Variants in VLDLR observed in about 807,000 individuals in gnomAD.
The protein encoded by VLDLR is very low-density lipoprotein receptor.
A neutral mutation model predicts 112.7 loss-of-function variants in VLDLR; 81 were observed. The observed-to-expected ratio is 0.72, with a 90% CI of 0.60 to 0.86. The LOEUF is 0.86. Among genes scored for constraint, VLDLR ranks in the 40% least tolerant of loss-of-function variants. VLDLR has a pLI of 0.00. For missense variants in VLDLR, 1,237 were observed against 1,099.4 expected (o/e 1.13, Z -1.77); for synonymous variants, 436 against 384.8 (o/e 1.13, Z -1.56).
At chr9:2,649,848 T>G (rs1358000367) in intron 14 of VLDLR, among the ~76,000 whole-genome samples, 1 of 152,186 alleles carries the variant, frequency 6.6e-6, no homozygotes, top group Non-Finnish European at 1.5e-5. Context: ...TAACACCTAC[T>G]TTCCCCCTGT....
In VLDLR at chr9:2,652,832, A is replaced by T. The variant is rs768630693; in HGVS notation, c.2469A>T (p.Gln823His). 3 of 1,614,040 alleles carry T rather than the reference A, an allele frequency of 1.9e-6. No homozygotes were observed. In the African/African-American group the frequency reaches 4.0e-5, roughly 22 times the overall value. Residue 823 changes from glutamine to histidine, a missense_variant, in exon 18 of 19, where the codon CAA becomes CAT. Transcript: ENST00000382100. ...VGGYLMWRNW[Q>H]HKNMKSMNFD... ...GCTACTTGATGTGGCGGAATTGGCA[A>T]CACAAGAACATGAAAAGCATGAACT... is the stretch of plus-strand genomic sequence containing the variant.
At position 2,638,224 on chromosome 9, in the gene VLDLR, G is replaced by A. The variant is rs57242409; in HGVS notation, c.203-1635G>A. ...TGGCCAGTCTTGTTTCCTTGGCTGT[G>A]TAATTCAAGGAGATAATCCTTTATA... On this transcript the variant is annotated intron_variant, in intron 2 of 18. Transcript: ENST00000382100. Among the ~76,000 whole-genome samples, 932 of 152,284 alleles carry A rather than the reference G, an allele frequency of 6.1e-3. 14 individuals carry two copies. The highest frequency in any genetic ancestry group is 0.024 in the Middle Eastern group (7 of 294).
intron 18 of VLDLR, 117 bp downstream of exon 18, chr9:2,653,066 C>T: frequency 3.0e-6 from 4 of 1,316,894 alleles, no homozygotes; most frequent in Non-Finnish European, 4.4e-6. Flanking sequence ...ACTTCATCTG[C>T]TACCTGGCTA....
At chr9:2,651,832 A>AATACAGATCCTTCTAGTCTGC (rs1464535697) in intron 16 of VLDLR, 42 bp from the exon 17 acceptor site, 1 of 1,610,920 alleles carries the variant, frequency 6.2e-7, no homozygotes, top group East Asian at 2.2e-5. Flanking sequence ...TCTAAGTCTG[A>AATACAGATCCTTCTAGTCTGC]ATACAGATCC....
At position 2,647,410 on chromosome 9, in the gene VLDLR, C is replaced by G. The variant is rs374902313; in HGVS notation, c.1704-64C>G. The G allele has an allele frequency of 3.6e-5, 51 of 1,435,670 alleles. No homozygotes were observed. In the Middle Eastern group the frequency reaches 6.5e-4, roughly 18 times the overall value. 88.9% of individuals were successfully genotyped at this position (1,435,670 alleles called of 1,614,324 possible). A position where few individuals can be genotyped will look rare whatever the true frequency, so the allele number is the denominator to read the frequency against. ...CTGCTCAAATTTTAAATTTTTGTTTCCAGCTACTACAACTTTATTCCTTCT... is the reference window on the plus strand; with the variant it reads ...CTGCTCAAATTTTAAATTTTTGTTTGCAGCTACTACAACTTTATTCCTTCT... On this transcript the variant is annotated intron_variant, in intron 11 of 18. Coordinates refer to ENST00000382100, the MANE Select transcript of VLDLR (RefSeq NM_003383.5).
At position 2,630,139 on chromosome 9, in the gene VLDLR, G is replaced by A. The variant is rs538094553; in HGVS notation, c.83-5314G>A. Among the ~76,000 whole-genome samples the A allele has an allele frequency of 4.6e-5, 7 of 152,262 alleles. No homozygotes were observed. In the South Asian group the frequency reaches 1.5e-3, roughly 32 times the overall value. On this transcript the variant is annotated intron_variant, in intron 1 of 18. Transcript: ENST00000382100. Reference sequence around the variant, plus strand: ...TTCAGAGGCTGACTTTAAGGCCAGAGCACAATCTTTGTGCTTGACAGCTCA... The same window carrying A: ...TTCAGAGGCTGACTTTAAGGCCAGAACACAATCTTTGTGCTTGACAGCTCA...
At position 2,656,519 on chromosome 9, in the gene VLDLR, A is replaced by G. The variant is rs778115796; in HGVS notation, c.*2651A>G. ...AGCTTGCAATAATAGTGCATGAATG[A>G]TAACAGGCCTCGGCTTTATCACCCA... On this transcript the variant is annotated 3_prime_UTR_variant, in exon 19 of 19. Transcript: ENST00000382100. 6.6e-6 allele frequency: 1 copy of G among 152,354 alleles called. No individual in the cohort carries two copies. 9.4% of individuals were successfully genotyped at this position (152,354 alleles called of 1,614,324 possible). A position where few individuals can be genotyped will look rare whatever the true frequency, so the allele number is the denominator to read the frequency against.
chr9:2,633,049 A>AGTGTGTGTGTGTGTGTGTGTGTGTGT (rs1258054088), intron 1 of VLDLR, among the ~76,000 whole-genome samples: 1 of 107,000 alleles, frequency 9.3e-6, no homozygotes, highest in African/African-American at 3.5e-5. Flanking sequence ...AGAGAGAGAG[A>AGTGTGTGTGTGTGTGTGTGTGTGTGT]GAGTGTGTGT....
chr9:2,649,325 C>A (rs1233805034), intron 14 of VLDLR, among the ~76,000 whole-genome samples: 2 of 152,190 alleles, frequency 1.3e-5, no homozygotes, highest in African/African-American at 4.8e-5. Context: ...TGATGGTGCT[C>A]TTCCCCCTTT....
intron 1 of VLDLR, among the ~76,000 whole-genome samples, chr9:2,632,354 A>G (rs1014302700): frequency 2.0e-5 from 3 of 152,034 alleles, no homozygotes; most frequent in Non-Finnish European, 4.4e-5. Context: ...TAACAATTGC[A>G]TTTTGCCCCA....
rs893472423 is a variant in VLDLR, at chr9:2,657,503, A to C, written c.*3635A>C. On this transcript the variant is annotated 3_prime_UTR_variant, in exon 19 of 19. Transcript: ENST00000382100. ...TAACAAGTAGGAGCAGCAACTAGCT[A>C]AAGAGTAGAAAGAAGCTTCCCTTAT... 1 of 152,192 alleles carries C rather than the reference A, an allele frequency of 6.6e-6. No homozygotes were observed. The highest frequency in any genetic ancestry group is 2.4e-5 in the African/African-American group (1 of 41,448). The allele number at this position is 152,192 out of a possible 1,614,324, so 9.4% of individuals were successfully genotyped here.
chr9:2,644,043 G>A, intron 7 of VLDLR, 84 bp downstream of exon 7: 1 of 1,599,278 alleles, frequency 6.3e-7, no homozygotes, highest in Admixed American at 1.7e-5. Flanking sequence ...CCCCCGTGAT[G>A]GCTAGTTAAA....
intron 16 of VLDLR, 118 bp downstream of exon 16, chr9:2,651,616 T>C (rs1031223107): frequency 1.0e-5 from 10 of 1,001,950 alleles, no homozygotes; most frequent in South Asian, 2.9e-5. Context: ...TGGTAACCTA[T>C]ATTTAAACAC....
Position 2,630,417 on chromosome 9 carries a change from A to G in VLDLR, c.83-5036A>G, listed in dbSNP as rs147506397. On this transcript the variant is annotated intron_variant, in intron 1 of 18. Coordinates refer to ENST00000382100, the MANE Select transcript of VLDLR (RefSeq NM_003383.5). ...CAAGTAACACCCATATGCTCAAGCA[A>G]TGAGTAAGGGCATGAGAGATGTAAA... 1.9e-3 allele frequency among the ~76,000 whole-genome samples: 284 copies of G among 152,076 alleles called. 1 individual carries two copies. Among genetic ancestry groups the G allele is most frequent in the Middle Eastern group, 6.8e-3 (2 of 292 alleles).
intron 14 of VLDLR, among the ~76,000 whole-genome samples, chr9:2,650,113 T>C (rs1818254961): frequency 6.6e-6 from 1 of 152,124 alleles, no homozygotes; most frequent in South Asian, 2.1e-4. Context: ...CCCCACCTCC[T>C]CTTTTGGCAT....
chr9:2,639,046 C>T (rs1192874519), intron 2 of VLDLR, among the ~76,000 whole-genome samples: 1 of 152,208 alleles, frequency 6.6e-6, no homozygotes, highest in Non-Finnish European at 1.5e-5. Flanking sequence ...CCTTCATTCT[C>T]CACACTAAAC....
In VLDLR at chr9:2,622,105, T is replaced by A; in HGVS notation, c.-85T>A. On this transcript the variant is annotated 5_prime_UTR_variant, in exon 1 of 19. Coordinates refer to ENST00000382100, the MANE Select transcript of VLDLR (RefSeq NM_003383.5). ...TTTCCCCTCCCCGCCCCCACCTTCT[T>A]CCTCCTTTCGGAAGGACTGGTAACT... The A allele has an allele frequency of 2.2e-6, 3 of 1,342,514 alleles. No homozygotes were observed. Among genetic ancestry groups the A allele is most frequent in the South Asian group, 1.5e-5 (1 of 68,698 alleles). The allele number at this position is 1,342,514 out of a possible 1,614,324, so 83.2% of individuals were successfully genotyped here.
At chr9:2,645,498 C>A in intron 9 of VLDLR, 76 bp from the exon 10 acceptor site, 1 of 1,550,476 alleles carries the variant, frequency 6.4e-7, no homozygotes, top group South Asian at 1.1e-5. Context: ...AAGTGCTCCT[C>A]TGCTGGGAGG....
rs17848376 is a variant in VLDLR, at chr9:2,641,364, A to G, written c.326-13A>G. On this transcript the variant is annotated splice_polypyrimidine_tract_variant and intron_variant, in intron 3 of 18. Transcript: ENST00000382100. ...AGTTCTGAGGCTCTTTTGAGACTGT[A>G]TATCATCAACAGATATGAGAACATG... 132 of 1,613,956 alleles carry G rather than the reference A, an allele frequency of 8.2e-5. 1 individual carries two copies. In the East Asian group the frequency reaches 1.2e-3, roughly 15 times the overall value.
Sources: gnomAD v4.1 joint callset for allele counts (sites outside exome capture counted in the v4.1 genomes callset) on GRCh38, gnomAD v4.1.1 for gene constraint, MANE v1.5 for transcripts, NCBI Gene and HGNC (gene_info 2026-07-23, HGNC 2026-07-21) for gene names.